The following ZNF611 variants were observed in gnomAD, a reference collection of about 807,000 sequenced individuals.
ZNF611 encodes zinc finger protein 611.
In ZNF611, 6 loss-of-function variants were observed where a neutral mutation model predicts 8.9. That is an observed-to-expected ratio of 0.68 (90% CI 0.37 to 1.34). The LOEUF (loss-of-function observed/expected upper bound fraction) is 1.34, where lower values mean the gene tolerates loss of function less well. ZNF611 is among the 40% of genes most tolerant of loss of function. ZNF611 has a pLI of 0.02. For missense variants in ZNF611, 874 were observed against 841.3 expected (o/e 1.04, Z -0.48); for synonymous variants, 262 against 279.7 (o/e 0.94, Z 0.63).
In ZNF611 at chr19:52,714,150, A is replaced by G; in HGVS notation, c.64-9T>C. On this transcript the variant is annotated splice_polypyrimidine_tract_variant and intron_variant, in intron 4 of 5. Coordinates refer to ENST00000652185, the MANE Select transcript of ZNF611 (RefSeq NM_001161499.2). ...CGGAAAGTCAAGCGTCCCTAAAATG[A>G]AACACACATTTCAACAAAACATTAT... The G allele has an allele frequency of 6.2e-7, 1 of 1,612,022 alleles. No individual in the cohort carries two copies. Among genetic ancestry groups the G allele is most frequent in the Non-Finnish European group, 8.5e-7 (1 of 1,179,546 alleles).
intron 4 of ZNF611, 98 bp downstream of exon 4, chr19:52,715,734 G>C (rs2062312209): frequency 1.5e-5 from 24 of 1,568,232 alleles, no homozygotes; most frequent in Non-Finnish European, 2.1e-5. Context: ...GAACGTGTCA[G>C]ACAAGATGCT....
At chr19:52,722,120 G>A (rs2062364021) in intron 3 of ZNF611, among the ~76,000 whole-genome samples, 1 of 151,906 alleles carries the variant, frequency 6.6e-6, no homozygotes, top group Admixed American at 6.6e-5. Context: ...CCAGTACATT[G>A]CAAGGCCAAG....
chr19:52,716,581 G>GTA (rs1236169480), intron 3 of ZNF611, among the ~76,000 whole-genome samples: 1 of 152,184 alleles, frequency 6.6e-6, no homozygotes, highest in East Asian at 1.9e-4. Context: ...TGGAGAAGGG[G>GTA]TAGGGTGAGG....
At chr19:52,711,441 C>T (rs1002248467) in intron 5 of ZNF611, 1 of 152,094 alleles carries the variant, frequency 6.6e-6, no homozygotes, top group Non-Finnish European at 1.5e-5. Flanking sequence ...TGTACATGAC[C>T]CCAGTTTGCA....
chr19:52,714,869 A>G (rs965759528), intron 4 of ZNF611, among the ~76,000 whole-genome samples: 3 of 150,510 alleles, frequency 2.0e-5, no homozygotes, highest in Non-Finnish European at 3.0e-5. Flanking sequence ...GTTGTGGTGC[A>G]GGCCTGTACT....
intron 3 of ZNF611, among the ~76,000 whole-genome samples, chr19:52,725,359 C>A (rs1283978587): frequency 6.6e-6 from 1 of 152,170 alleles, no homozygotes; most frequent in African/African-American, 2.4e-5. Context: ...ACTGGGGCCC[C>A]GGCGCTGCGC....
chr19:52,711,538 A>G (rs1328200698), intron 5 of ZNF611, among the ~76,000 whole-genome samples: 1 of 152,214 alleles, frequency 6.6e-6, no homozygotes, highest in African/African-American at 2.4e-5. Context: ...CGCAGGCAGG[A>G]CAGGAAATGA....
rs745317881 is a variant in ZNF611, at chr19:52,715,922, GA to G, written c.-19-10del. Reference sequence around the variant, plus strand: ...GTCTTTAGGAATCAATCCTGTATGTGAAAAAAAATGAGACTTCATGTTAGAA... The same window carrying G: ...GTCTTTAGGAATCAATCCTGTATGTGAAAAAAATGAGACTTCATGTTAGAA... On this transcript the variant is annotated splice_polypyrimidine_tract_variant and intron_variant, in intron 3 of 5. Transcript: ENST00000652185. 35 of 1,604,258 alleles carry G rather than the reference GA, an allele frequency of 2.2e-5. No individual in the cohort carries two copies. Among genetic ancestry groups the G allele is most frequent in the Middle Eastern group, 3.3e-4 (2 of 5,996 alleles).
chr19:52,727,193 A>C (rs1600332805), intron 3 of ZNF611, among the ~76,000 whole-genome samples: 2 of 152,144 alleles, frequency 1.3e-5, no homozygotes, highest in Non-Finnish European at 2.9e-5. Context: ...TTCACTTTTT[A>C]AATGTGAGAA....
intron 3 of ZNF611, among the ~76,000 whole-genome samples, chr19:52,721,838 C>CA (rs1412801987): frequency 7.2e-5 from 11 of 152,046 alleles, no homozygotes; most frequent in African/African-American, 2.7e-4. Flanking sequence ...GATCTCAGCT[C>CA]ACCACAACCT....
chr19:52,705,893 G>A lies in ZNF611; in HGVS notation c.1162C>T (p.His388Tyr). Residue 388 changes from histidine to tyrosine, a missense_variant, in exon 6 of 6, where the codon CAT (histidine) becomes TAT (tyrosine). Coordinates refer to ENST00000652185, the MANE Select transcript of ZNF611 (RefSeq NM_001161499.2). ...VFSRKSTIET[H>Y]KRIHTGEKPY... is the part of the protein sequence containing the mutation. Reference sequence around the variant, plus strand: ...TTCTCTCCAGTATGAATTCTCTTATGTGTCTCAATGGTTGATTTCCGACTG... The same window carrying A: ...TTCTCTCCAGTATGAATTCTCTTATATGTCTCAATGGTTGATTTCCGACTG... 3.7e-6 allele frequency: 6 copies of A among 1,614,142 alleles called. No individual in the cohort carries two copies. Among genetic ancestry groups the A allele is most frequent in the Non-Finnish European group, 5.1e-6 (6 of 1,180,030 alleles).
intron 3 of ZNF611, among the ~76,000 whole-genome samples, chr19:52,725,908 T>A (rs1348723188): frequency 1.3e-5 from 2 of 151,956 alleles, no homozygotes; most frequent in Admixed American, 6.5e-5. Context: ...GACCTGTGCA[T>A]CTCTCCGCCT....
chr19:52,727,000 G>C (rs1054867710), intron 3 of ZNF611, among the ~76,000 whole-genome samples: 1 of 152,126 alleles, frequency 6.6e-6, no homozygotes, highest in East Asian at 1.9e-4. Context: ...GGAGTAGCTG[G>C]TATTACAAGC....
intron 3 of ZNF611, among the ~76,000 whole-genome samples, chr19:52,726,622 G>T (rs1297551693): frequency 6.6e-6 from 1 of 151,302 alleles, no homozygotes; most frequent in East Asian, 2.0e-4. Context: ...GTTTCACTGT[G>T]TTAGCCAGGA....
chr19:52,725,225 G>A (rs950509525), intron 3 of ZNF611, among the ~76,000 whole-genome samples: 2 of 152,174 alleles, frequency 1.3e-5, no homozygotes, highest in Non-Finnish European at 2.9e-5. Context: ...CGGTGACTGC[G>A]GAGGGAAGAC....
chr19:52,721,273 TG>T, intron 3 of ZNF611: 2 of 164,906 alleles, frequency 1.2e-5, no homozygotes, highest in South Asian at 1.4e-4. Context: ...ACTTCCTAGA[TG>T]GGGTGGTGGC....
chr19:52,715,813 C>T lies in ZNF611; in HGVS notation c.63+19G>A, dbSNP rs1470275883. On this transcript the variant is annotated intron_variant, in intron 4 of 5. Transcript: ENST00000652185. ...GAAACGAAAGACACAGATTAATCCA[C>T]AGAGGAATATCACTTCACCTGAGGA... 6.2e-7 allele frequency: 1 copy of T among 1,609,592 alleles called. No homozygotes were observed. The highest frequency in any genetic ancestry group is 8.5e-7 in the Non-Finnish European group (1 of 1,179,692).
intron 5 of ZNF611, chr19:52,708,134 C>T (rs1319874644): frequency 2.0e-5 from 3 of 152,144 alleles, no homozygotes; most frequent in African/African-American, 7.2e-5. Flanking sequence ...ACTCAACCAC[C>T]AGCACACAAT....
Position 52,729,919 on chromosome 19 carries a change from G to A in ZNF611, c.-135C>T, listed in dbSNP as rs192690378. 6.6e-6 allele frequency: 1 copy of A among 152,264 alleles called. No homozygotes were observed. The highest frequency in any genetic ancestry group is 1.9e-4 in the East Asian group (1 of 5,178). The allele number at this position is 152,264 out of a possible 1,614,324, so 9.4% of individuals were successfully genotyped here. A position where few individuals can be genotyped will look rare whatever the true frequency, so the allele number is the denominator to read the frequency against. On this transcript the variant is annotated 5_prime_UTR_variant, in exon 2 of 6. Transcript: ENST00000652185. ...GAACTGACTAACCATGTCGGAGGGT[G>A]CAATTATGATGTCACAGGTACAGCT... is the stretch of plus-strand genomic sequence containing the variant.
Sources: allele counts gnomAD v4.1 joint callset (sites outside exome capture counted in the v4.1 genomes callset), GRCh38; gene constraint gnomAD v4.1.1; transcripts MANE v1.5; gene names NCBI Gene and HGNC (gene_info 2026-07-23, HGNC 2026-07-21).